Variants in GTF2F1 observed in about 807,000 individuals in gnomAD.
GTF2F1 encodes general transcription factor IIF subunit 1.
Under a neutral mutation model 63.5 loss-of-function variants are expected in GTF2F1, and 39 were observed. The observed-to-expected ratio is 0.61, with a 90% CI of 0.48 to 0.80. The LOEUF (loss-of-function observed/expected upper bound fraction) is 0.80. GTF2F1 is among the 30% of genes least tolerant of loss of function. The pLI, the probability that GTF2F1 is intolerant of heterozygous loss-of-function variation, is 0.00. For missense variants in GTF2F1, 657 were observed against 718.3 expected, an observed-to-expected ratio of 0.91 and a Z score of 0.97; for synonymous variants, 287 against 285.3, an observed-to-expected ratio of 1.01 and a Z score of -0.06.
In GTF2F1 at chr19:6,389,541, C is replaced by A; in HGVS notation, c.229G>T (p.Glu77Ter). ...AGSEFNRKLR[E>*]EARRKKYGIV... is the part of the protein sequence containing the mutation. ...CCGTACTTCTTCCTCCGAGCCTCCT[C>A]CCGAAGCTTGCGGTTGAACTCACTG... Residue 77 changes from glutamate to a stop codon, truncating the protein, a stop_gained, in exon 4 of 13, where the codon GAG (glutamate) becomes TAG (stop). Transcript: ENST00000394456. LOFTEE classifies it high-confidence loss of function. 6.2e-7 allele frequency: 1 copy of A among 1,614,274 alleles called. No individual in the cohort carries two copies. The highest frequency in any genetic ancestry group is 8.5e-7 in the Non-Finnish European group (1 of 1,180,044).
intron 5 of GTF2F1, among the ~76,000 whole-genome samples, chr19:6,385,606 G>C (rs989484341): frequency 6.6e-6 from 1 of 152,100 alleles, no homozygotes; most frequent in East Asian, 1.9e-4. Flanking sequence ...CCAAAGTGGA[G>C]CAGGCAGGCA....
In GTF2F1 at chr19:6,387,460, G is replaced by A. The variant is rs1189632200; in HGVS notation, c.426C>T (p.Asn142=). Residue 142 remains asparagine, a synonymous_variant, in exon 5 of 13, where the codon AAC becomes AAT. Transcript: ENST00000394456. ...DGAFEAFPVH[N]WYNFTPLARH... ...GGGCCAGCGGTGTGAAATTGTACCAGTTGTGCACGGGGAAGGCCTCGAAGG... is the reference window on the plus strand; with the variant it reads ...GGGCCAGCGGTGTGAAATTGTACCAATTGTGCACGGGGAAGGCCTCGAAGG... The A allele has an allele frequency of 1.9e-6, 3 of 1,614,242 alleles. No homozygotes were observed. Among genetic ancestry groups the A allele is most frequent in the South Asian group, 2.2e-5 (2 of 91,090 alleles).
rs574474784 is a variant in GTF2F1, at chr19:6,389,466, C to T, written c.304G>A (p.Val102Ile). 84 of 1,614,006 alleles carry T rather than the reference C, an allele frequency of 5.2e-5. No individual in the cohort carries two copies. The highest frequency in any genetic ancestry group is 6.9e-5 in the Non-Finnish European group (82 of 1,179,940). Reference protein sequence around the residue: ...RPEDQPWLLRVNGKSGRKFKG... With the variant: ...RPEDQPWLLRINGKSGRKFKG... ...TACTTCCTGCCTGATTTGCCGTTGA[C>T]CCGGAGCAGCCAGGGCTGGTCCTCG... The change falls in exon 4 of 13, where the codon GTC becomes ATC. Residue 102 changes from valine (V) to isoleucine (I), a missense_variant. Coordinates refer to ENST00000394456, the MANE Select transcript of GTF2F1 (RefSeq NM_002096.3).
intron 3 of GTF2F1, among the ~76,000 whole-genome samples, chr19:6,391,103 A>AC (rs1478526286): frequency 6.6e-6 from 1 of 152,126 alleles, no homozygotes; most frequent in Non-Finnish European, 1.5e-5. Flanking sequence ...GCCAGGACTC[A>AC]CCTAGACCAG....
At chr19:6,386,469 G>A (rs1431441325) in intron 5 of GTF2F1, among the ~76,000 whole-genome samples, 1 of 152,098 alleles carries the variant, frequency 6.6e-6, no homozygotes, top group Non-Finnish European at 1.5e-5. Context: ...GTTTTGAGAC[G>A]GAGTCTCGCT....
rs1410590482 is a variant in GTF2F1, at chr19:6,380,710, G to A, written c.1232-20C>T. Reference sequence around the variant, plus strand: ...GCTTCCCTGTGGGAGTGGGGTCAGGGCTGAGTCTTGCAGGCAGGAGGCAGA... The same window carrying A: ...GCTTCCCTGTGGGAGTGGGGTCAGGACTGAGTCTTGCAGGCAGGAGGCAGA... On this transcript the variant is annotated intron_variant, in intron 11 of 12. Coordinates refer to ENST00000394456, the MANE Select transcript of GTF2F1 (RefSeq NM_002096.3). This position sits in a 1 kb window ranked among gnomAD's most constrained non-coding sequence, Gnocchi z 5.3. The A allele has an allele frequency of 1.9e-6, 3 of 1,605,190 alleles. No individual in the cohort carries two copies. The highest frequency in any genetic ancestry group is 2.7e-5 in the African/African-American group (2 of 74,876).
At position 6,392,973 on chromosome 19, in the gene GTF2F1, T is replaced by A; in HGVS notation, c.12+11A>T. The A allele has an allele frequency of 6.2e-7, 1 of 1,614,006 alleles. No individual in the cohort carries two copies. The highest frequency in any genetic ancestry group is 8.5e-7 in the Non-Finnish European group (1 of 1,179,966). On this transcript the variant is annotated intron_variant, in intron 1 of 12. Transcript: ENST00000394456. Reference sequence around the variant, plus strand: ...GTCGGAACCCCCGAACCCCGCCAAATCCACACTCACTAGGGCCGCCATGGG... The same window carrying A: ...GTCGGAACCCCCGAACCCCGCCAAAACCACACTCACTAGGGCCGCCATGGG...
chr19:6,381,402 C>T lies in GTF2F1; in HGVS notation c.975G>A (p.Glu325=). 6.2e-7 allele frequency: 1 copy of T among 1,610,428 alleles called. No individual in the cohort carries two copies. The highest frequency in any genetic ancestry group is 8.5e-7 in the Non-Finnish European group (1 of 1,179,162). Residue 325 remains glutamate, a synonymous_variant, in exon 9 of 13, where the codon GAG becomes GAA. Transcript: ENST00000394456. This position sits in a 1 kb window ranked among gnomAD's most constrained non-coding sequence, Gnocchi z 4.1. ...CCTGCGGGGTGGGTGCCTTCTTCTC[C>T]TCCTCCTCCTCCTTGTCCTCCTCAG... ...KPPEEDKEEE[E]EKKAPTPQEK...
At position 6,383,026 on chromosome 19, in the gene GTF2F1, C is replaced by T. The variant is rs926074086; in HGVS notation, c.682+285G>A. Among the ~76,000 whole-genome samples, 14 of 152,112 alleles carry T rather than the reference C, an allele frequency of 9.2e-5. No individual in the cohort carries two copies. Among genetic ancestry groups the T allele is most frequent in the Non-Finnish European group, 1.8e-4 (12 of 68,014 alleles). On this transcript the variant is annotated intron_variant, in intron 6 of 12. Coordinates refer to ENST00000394456, the MANE Select transcript of GTF2F1 (RefSeq NM_002096.3). This position sits in a 1 kb window ranked among gnomAD's most constrained non-coding sequence, Gnocchi z 4.5. ...AAGCAATTCTCCTGCCTCAGTCTCC[C>T]GAGTAGCTGGCACTAGAGGCATGCA...
intron 1 of GTF2F1, 24 bp downstream of exon 1, chr19:6,392,960 G>T: frequency 6.2e-7 from 1 of 1,614,098 alleles, no homozygotes; most frequent in Non-Finnish European, 8.5e-7. Context: ...CGGAACCCCC[G>T]AACCCCGCCA....
chr19:6,381,013 C>G lies in GTF2F1; in HGVS notation c.1122G>C (p.Arg374=), dbSNP rs1240688449. The G allele has an allele frequency of 6.2e-7, 1 of 1,611,530 alleles. No individual in the cohort carries two copies. The part of the protein sequence containing the change: ...AKKKTPPKRE[R]KPSGGSSRGN... ...CCCTTGAGCTCCCTCCCGACGGCTT[C>G]CGCTCTCTCTTGGGTGGCGTCTTCT... Residue 374 remains arginine, a synonymous_variant, in exon 11 of 13, where the codon CGG becomes CGC. Coordinates refer to ENST00000394456, the MANE Select transcript of GTF2F1 (RefSeq NM_002096.3). The surrounding 1 kb of genome is among the most constrained non-coding windows in gnomAD (Gnocchi z 4.1).
At chr19:6,387,057 G>C (rs1237534975) in intron 5 of GTF2F1, 7 of 297,546 alleles carry the variant, frequency 2.4e-5, no homozygotes, top group Non-Finnish European at 3.8e-5. Context: ...CTCCTCGGGT[G>C]CCCTGCCTGG....
Position 6,381,915 on chromosome 19 carries a change from G to A in GTF2F1, c.683-65C>T. 4 of 1,396,044 alleles carry A rather than the reference G, an allele frequency of 2.9e-6. No individual in the cohort carries two copies. Among genetic ancestry groups the A allele is most frequent in the South Asian group, 2.4e-5 (2 of 84,006 alleles). The allele number at this position is 1,396,044 out of a possible 1,614,324, so 86.5% of individuals were successfully genotyped here. On this transcript the variant is annotated intron_variant, in intron 6 of 12. Transcript: ENST00000394456. This position sits in a 1 kb window ranked among gnomAD's most constrained non-coding sequence, Gnocchi z 4.1. ...GAGGAAGGCAGTGGGTATTTATTGT[G>A]TTTTTCACATTTTGTGCAGTTTTGA...
In GTF2F1 at chr19:6,383,336, A is replaced by G. The variant is rs766981587; in HGVS notation, c.657T>C (p.Asp219=). Residue 219 remains aspartate (D), a synonymous_variant, in exon 6 of 13, where the codon GAT becomes GAC. Coordinates refer to ENST00000394456, the MANE Select transcript of GTF2F1 (RefSeq NM_002096.3). The surrounding 1 kb of genome is among the most constrained non-coding windows in gnomAD (Gnocchi z 4.5). ...CCTCCTCACCACTGGCATCACTGGC[A>G]TCGGACGACATCTCCAGGTCGTCCT... The part of the protein sequence containing the change: ...DLEDDLEMSS[D]ASDASGEEGG... 7.5e-5 allele frequency: 121 copies of G among 1,614,000 alleles called. No homozygotes were observed. In the Admixed American group the frequency reaches 2.0e-3, roughly 26 times the overall value.
rs575662882 is a variant in GTF2F1 at position 6,380,594 on chromosome 19, C to G, written c.1328G>C (p.Gly443Ala). ...SGKSTPQPPS[G>A]KTTPNSGDVQ... ...TTACCCGCTGTTGGGTGTTGTCTTG[C>G]CTGATGGTGGCTGGGGTGTCGACTT... Residue 443 changes from glycine to alanine, a missense_variant, in exon 12 of 13, where the codon GGC becomes GCC. Transcript: ENST00000394456. The surrounding 1 kb of genome is among the most constrained non-coding windows in gnomAD (Gnocchi z 5.3). The G allele has an allele frequency of 1.2e-6, 2 of 1,614,048 alleles. No homozygotes were observed. The highest frequency in any genetic ancestry group is 1.7e-6 in the Non-Finnish European group (2 of 1,179,998).
chr19:6,385,989 T>A (rs2091972413), intron 5 of GTF2F1, among the ~76,000 whole-genome samples: 1 of 152,044 alleles, frequency 6.6e-6, no homozygotes, highest in Non-Finnish European at 1.5e-5. Flanking sequence ...GGCCAGAGAA[T>A]GGCATGAACC....
chr19:6,392,186 T>C, intron 2 of GTF2F1: 1 of 613,506 alleles, frequency 1.6e-6, no homozygotes, highest in Non-Finnish European at 3.0e-6. Flanking sequence ...TCAATTCAAT[T>C]CACTCAACAA....
In GTF2F1 at chr19:6,380,350, C is replaced by T. The variant is rs755816393; in HGVS notation, c.1485G>A (p.Gln495=). Residue 495 remains glutamine (Q), a synonymous_variant, in exon 13 of 13, where the codon CAG becomes CAA. Transcript: ENST00000394456. The surrounding 1 kb of genome is among the most constrained non-coding windows in gnomAD (Gnocchi z 5.3). ...SSEQTVNVLA[Q]ILKRLNPERK... is the part of the protein sequence containing the mutation. ...GCTCGGGGTTGAGTCGCTTGAGGAT[C>T]TGGGCCAACACGTTCACTGTCTGCT... The T allele has an allele frequency of 3.7e-6, 6 of 1,614,178 alleles. No individual in the cohort carries two copies. Among genetic ancestry groups the T allele is most frequent in the Non-Finnish European group, 5.1e-6 (6 of 1,180,030 alleles).
chr19:6,382,588 G>A (rs144991115), intron 6 of GTF2F1, among the ~76,000 whole-genome samples: 8,427 of 145,560 alleles, frequency 0.058, 329 homozygotes, highest in Non-Finnish European at 0.088. Context: ...CCGAGATTGC[G>A]CCATTGCACT....
Sources: gnomAD v4.1 joint callset for allele counts (sites outside exome capture counted in the v4.1 genomes callset) on GRCh38, gnomAD v4.1.1 for gene constraint, Gnocchi (gnomAD v3.1) non-coding constraint, MANE v1.5 for transcripts, NCBI Gene and HGNC (gene_info 2026-07-23, HGNC 2026-07-21) for gene names.